ATG5: variants seen among roughly 807,000 people sequenced by gnomAD.
The protein encoded by ATG5 is autophagy related 5.
In ATG5, 14 loss-of-function variants were observed where a neutral mutation model predicts 36.5. That is an observed-to-expected ratio of 0.38 (90% CI 0.25 to 0.60). The LOEUF (loss-of-function observed/expected upper bound fraction) is 0.60, where lower values mean the gene tolerates loss of function less well. Among genes scored for constraint, ATG5 ranks in the 20% least tolerant of loss-of-function variants. The pLI is 0.60. For synonymous variants in ATG5, 95 were observed against 101.5 expected, an observed-to-expected ratio of 0.94 and a Z score of 0.38; for missense variants, 195 against 326.7, an observed-to-expected ratio of 0.60 and a Z score of 3.11.
intron 6 of ATG5, among the ~76,000 whole-genome samples, chr6:106,240,362 T>A (rs1424235414): frequency 6.7e-6 from 1 of 148,250 alleles, no homozygotes; most frequent in Non-Finnish European, 1.5e-5. Flanking sequence ...GATATTATAA[T>A]ATAAAATATC....
At chr6:106,205,729 G>A (rs1776606243) in intron 6 of ATG5, among the ~76,000 whole-genome samples, 1 of 151,954 alleles carries the variant, frequency 6.6e-6, no homozygotes, top group African/African-American at 2.4e-5. Flanking sequence ...TATTATAAAG[G>A]TATAACCTTC....
chr6:106,266,340 T>C (rs918779297), intron 5 of ATG5, among the ~76,000 whole-genome samples: 2 of 152,158 alleles, frequency 1.3e-5, no homozygotes, highest in African/African-American at 4.8e-5. Context: ...GTTCTGAAAT[T>C]GAGGCAGTAA....
chr6:106,207,516 CACAG>C (rs1776678816), intron 6 of ATG5, among the ~76,000 whole-genome samples: 1 of 149,398 alleles, frequency 6.7e-6, no homozygotes, highest in South Asian at 2.1e-4. Flanking sequence ...ACCCGGGCAA[CACAG>C]AGAGACCTCA....
chr6:106,212,355 G>A (rs957858351), intron 6 of ATG5, among the ~76,000 whole-genome samples: 11 of 152,200 alleles, frequency 7.2e-5, no homozygotes, highest in African/African-American at 2.7e-4. Context: ...AAACCCTATT[G>A]GATGGCTGGG....
chr6:106,269,206 C>A (rs1170568327), intron 5 of ATG5, among the ~76,000 whole-genome samples: 1 of 152,154 alleles, frequency 6.6e-6, no homozygotes. Flanking sequence ...TCGATTGGTG[C>A]ATTCACAAAC....
intron 5 of ATG5, among the ~76,000 whole-genome samples, chr6:106,258,237 T>C (rs912672490): frequency 1.6e-4 from 23 of 143,886 alleles, no homozygotes; most frequent in African/African-American, 5.7e-4. Flanking sequence ...GCATTGGTGG[T>C]GTATGCCAGT....
intron 5 of ATG5, among the ~76,000 whole-genome samples, chr6:106,255,312 TC>T (rs1000799611): frequency 1.3e-5 from 2 of 152,222 alleles, no homozygotes; most frequent in African/African-American, 4.8e-5. Context: ...GGGAAGGGGT[TC>T]TTGTTAATCT....
chr6:106,217,855 C>T lies in ATG5; in HGVS notation c.574-15766G>A, dbSNP rs144342112. Among the ~76,000 whole-genome samples the T allele has an allele frequency of 1.6e-3, 244 of 150,724 alleles. 1 individual carries two copies. The highest frequency in any genetic ancestry group is 5.6e-3 in the African/African-American group (229 of 41,006). ...AATGGTCTATTGAATCCAAAGTAGG[C>T]TGATACATCCCAACAGTATTTCAGA... On this transcript the variant is annotated intron_variant, in intron 6 of 7. Coordinates refer to ENST00000369076, the MANE Select transcript of ATG5 (RefSeq NM_004849.4).
At chr6:106,299,750 T>C (rs561455902) in intron 3 of ATG5, among the ~76,000 whole-genome samples, 1 of 152,370 alleles carries the variant, frequency 6.6e-6, no homozygotes, top group Non-Finnish European at 1.5e-5. Context: ...GACATGATTC[T>C]AGTATAAATA....
At chr6:106,254,498 T>G (rs1343736863) in intron 5 of ATG5, among the ~76,000 whole-genome samples, 1 of 152,092 alleles carries the variant, frequency 6.6e-6, no homozygotes, top group Admixed American at 6.5e-5. Context: ...GCTAAATGAA[T>G]GACTAGGCAA....
At chr6:106,293,257 G>T (rs892251122) in intron 3 of ATG5, 151 bp from the exon 4 acceptor site, 17 of 659,806 alleles carry the variant, frequency 2.6e-5, no homozygotes, top group Non-Finnish European at 4.2e-5. Flanking sequence ...TACGTGCCTA[G>T]GCTAGTATGA....
At position 106,277,523 on chromosome 6, in the gene ATG5, A is replaced by G. The variant is rs114052113; in HGVS notation, c.478+2138T>C. Among the ~76,000 whole-genome samples the G allele has an allele frequency of 1.2e-3, 190 of 152,366 alleles. 1 individual carries two copies. The highest frequency in any genetic ancestry group is 4.3e-3 in the African/African-American group (180 of 41,584). On this transcript the variant is annotated intron_variant, in intron 5 of 7. Transcript: ENST00000369076. ...AAAACTCTTACCGTTGGTTATAAAT[A>G]TACACTAGAGGCTGAGCATGGTAGC...
chr6:106,247,367 T>A (rs995841008), intron 6 of ATG5, among the ~76,000 whole-genome samples: 1 of 152,216 alleles, frequency 6.6e-6, no homozygotes, highest in Non-Finnish European at 1.5e-5. Flanking sequence ...ATGCCAGCAC[T>A]TTTAAAGTAC....
chr6:106,234,010 T>A (rs191036835), intron 6 of ATG5, among the ~76,000 whole-genome samples: 67 of 152,296 alleles, frequency 4.4e-4, no homozygotes, highest in Admixed American at 1.1e-3. Context: ...TTTGCATGCA[T>A]GCAAATACTC....
intron 5 of ATG5, among the ~76,000 whole-genome samples, chr6:106,254,525 A>G (rs1778725698): frequency 6.6e-6 from 1 of 152,228 alleles, no homozygotes; most frequent in Admixed American, 6.5e-5. Context: ...CAATAAAAAC[A>G]AGGGAATAGC....
chr6:106,269,595 G>A (rs1162828123), intron 5 of ATG5, among the ~76,000 whole-genome samples: 1 of 152,246 alleles, frequency 6.6e-6, no homozygotes, highest in Non-Finnish European at 1.5e-5. Context: ...TGCAGCGCCG[G>A]TGGGCCGTCA....
At chr6:106,252,349 TAA>T (rs879940962) in intron 5 of ATG5, among the ~76,000 whole-genome samples, 6 of 143,868 alleles carry the variant, frequency 4.2e-5, no homozygotes, top group Non-Finnish European at 4.6e-5. Context: ...TTCAATCAAT[TAA>T]AAAAAAAAAA....
intron 5 of ATG5, among the ~76,000 whole-genome samples, chr6:106,248,584 T>C (rs1778442071): frequency 6.6e-6 from 1 of 152,186 alleles, no homozygotes. Context: ...CTACTTCTAA[T>C]TGCTGAGCTA....
At chr6:106,193,385 T>C (rs1400438609) in intron 7 of ATG5, among the ~76,000 whole-genome samples, 1 of 152,188 alleles carries the variant, frequency 6.6e-6, no homozygotes, top group Non-Finnish European at 1.5e-5. Context: ...CTTTGACTCT[T>C]AACATTTTAA....
Sources: gnomAD v4.1 joint callset for allele counts (sites outside exome capture counted in the v4.1 genomes callset) on GRCh38, gnomAD v4.1.1 for gene constraint, MANE v1.5 for transcripts, NCBI Gene and HGNC (gene_info 2026-07-23, HGNC 2026-07-21) for gene names.